RGS7: variants seen among roughly 807,000 people sequenced by gnomAD.
The protein encoded by RGS7 is regulator of G-protein signaling 7.
A neutral mutation model predicts 81.1 loss-of-function variants in RGS7; 27 were observed. That is an observed-to-expected ratio of 0.33 (90% CI 0.25 to 0.46). RGS7 has a LOEUF of 0.46. RGS7 is among the 20% of genes least tolerant of loss of function. The pLI, the probability that RGS7 is intolerant of heterozygous loss-of-function variation, is 1.00. For synonymous variants in RGS7, 208 were observed against 207.7 expected (o/e 1.00, Z -0.01); for missense variants, 396 against 607.4 (o/e 0.65, Z 3.66).
At chr1:241,117,768 T>C (rs1572762193) in intron 2 of RGS7, among the ~76,000 whole-genome samples, 1 of 152,284 alleles carries the variant, frequency 6.6e-6, no homozygotes, top group African/African-American at 2.4e-5. Flanking sequence ...ATATTTCTTA[T>C]CGGATTAATC....
At chr1:240,918,925 T>C (rs1239874327) in intron 6 of RGS7, among the ~76,000 whole-genome samples, 1 of 151,750 alleles carries the variant, frequency 6.6e-6, no homozygotes, top group Non-Finnish European at 1.5e-5. Flanking sequence ...ATCCTAAAAA[T>C]AGTAAAAGAA....
intron 2 of RGS7, among the ~76,000 whole-genome samples, chr1:241,260,072 T>C (rs1333748819): frequency 6.6e-6 from 1 of 152,176 alleles, no homozygotes; most frequent in African/African-American, 2.4e-5. Flanking sequence ...ATGGAATTTG[T>C]CCTATACCCA....
intron 2 of RGS7, among the ~76,000 whole-genome samples, chr1:241,239,358 G>C (rs374955695): frequency 9.9e-5 from 15 of 152,144 alleles, no homozygotes; most frequent in African/African-American, 3.6e-4. Context: ...GCATCTGCTG[G>C]TCAGTGTCCT....
intron 2 of RGS7, among the ~76,000 whole-genome samples, chr1:241,193,353 T>G (rs1179051967): frequency 1.3e-5 from 2 of 152,234 alleles, no homozygotes; most frequent in Non-Finnish European, 2.9e-5. Flanking sequence ...TCAGACTGTC[T>G]TTGCCACTCT....
intron 9 of RGS7, among the ~76,000 whole-genome samples, chr1:240,858,105 A>G (rs751343172): frequency 3.3e-5 from 5 of 152,216 alleles, no homozygotes; most frequent in Admixed American, 6.5e-5. Context: ...AGAATGAACT[A>G]ATACACCTTC....
chr1:240,795,355 G>C (rs1686867378), intron 18 of RGS7, among the ~76,000 whole-genome samples: 1 of 152,170 alleles, frequency 6.6e-6, no homozygotes, highest in Non-Finnish European at 1.5e-5. Flanking sequence ...AAGACTAATT[G>C]GTGGTGGAGG....
intron 2 of RGS7, among the ~76,000 whole-genome samples, chr1:241,278,530 G>T (rs935895790): frequency 2.6e-5 from 4 of 152,284 alleles, no homozygotes; most frequent in African/African-American, 9.6e-5. Context: ...TTGCGGTGCA[G>T]AGTTGGGTGA....
At chr1:241,123,309 C>T (rs548883659) in intron 2 of RGS7, among the ~76,000 whole-genome samples, 1 of 152,314 alleles carries the variant, frequency 6.6e-6, no homozygotes, top group East Asian at 1.9e-4. Context: ...CTGCTCCTTT[C>T]TGTCCATAAA....
At chr1:241,251,617 C>A (rs1452346089) in intron 2 of RGS7, among the ~76,000 whole-genome samples, 1 of 151,838 alleles carries the variant, frequency 6.6e-6, no homozygotes, top group African/African-American at 2.4e-5. Context: ...TCAAGCAATT[C>A]TCCTGCCTCA....
chr1:241,105,764 A>G (rs2065055629), intron 2 of RGS7, among the ~76,000 whole-genome samples: 1 of 152,232 alleles, frequency 6.6e-6, no homozygotes, highest in Non-Finnish European at 1.5e-5. Context: ...AGTAAAGCTA[A>G]AACGTTTTGT....
chr1:240,821,234 C>A (rs891313176), intron 10 of RGS7, among the ~76,000 whole-genome samples: 2 of 152,192 alleles, frequency 1.3e-5, no homozygotes, highest in African/African-American at 4.8e-5. Flanking sequence ...AAGTGGATCA[C>A]CTGAGGTCAG....
At chr1:241,230,463 C>T (rs2075591419) in intron 2 of RGS7, among the ~76,000 whole-genome samples, 1 of 152,176 alleles carries the variant, frequency 6.6e-6, no homozygotes, top group African/African-American at 2.4e-5. Flanking sequence ...ATCTGCCCAC[C>T]TTAGCCTCCC....
intron 6 of RGS7, among the ~76,000 whole-genome samples, chr1:240,899,896 C>T (rs1285868083): frequency 6.6e-6 from 1 of 152,114 alleles, no homozygotes; most frequent in Non-Finnish European, 1.5e-5. Context: ...AACTTGGTTC[C>T]ATTCTCCCTG....
chr1:240,893,443 G>A (rs1383543667), intron 6 of RGS7, among the ~76,000 whole-genome samples: 1 of 151,956 alleles, frequency 6.6e-6, no homozygotes, highest in Non-Finnish European at 1.5e-5. Flanking sequence ...GATTCATTTA[G>A]CTTATGTTAA....
In RGS7 at chr1:240,801,212, A is replaced by G. The variant is rs188620937; in HGVS notation, c.1413+243T>C. Among the ~76,000 whole-genome samples, 1,186 of 152,316 alleles carry G rather than the reference A, an allele frequency of 7.8e-3. 14 individuals are homozygous for G. Among genetic ancestry groups the G allele is most frequent in the African/African-American group, 0.026 (1,064 of 41,582 alleles). On this transcript the variant is annotated intron_variant, in intron 17 of 18. Transcript: ENST00000440928. ...ATTCCTTCCTTTTATATGTTGTAAT[A>G]TAAACTTCTTTCCAAACTTTAATTC...
At chr1:240,829,464 G>A (rs925500977) in intron 9 of RGS7, among the ~76,000 whole-genome samples, 11 of 152,056 alleles carry the variant, frequency 7.2e-5, no homozygotes, top group Non-Finnish European at 1.5e-4. Flanking sequence ...ATCTGCAGCC[G>A]GAGTTCACAA....
chr1:241,165,387 T>C (rs1483642007), intron 2 of RGS7, among the ~76,000 whole-genome samples: 1 of 151,786 alleles, frequency 6.6e-6, no homozygotes. Flanking sequence ...AACCCAAATG[T>C]CCAACAATGA....
rs1679964914 is a variant in RGS7, at chr1:240,954,017, TA to T, written c.227-17312del. Among the ~76,000 whole-genome samples, 4 of 152,154 alleles carry T rather than the reference TA, an allele frequency of 2.6e-5. No homozygotes were observed. In the South Asian group the frequency reaches 8.3e-4, roughly 32 times the overall value. On this transcript the variant is annotated intron_variant, in intron 4 of 18. Transcript: ENST00000440928. The stretch of plus-strand genomic sequence containing the variant: ...TAACTTAGATAAAAAATGAACAAAT[TA>T]CTTCAAAGACACAAACCATCAAAAC...
At chr1:240,873,919 G>A (rs1229928003) in intron 6 of RGS7, among the ~76,000 whole-genome samples, 1 of 149,966 alleles carries the variant, frequency 6.7e-6, no homozygotes, top group South Asian at 2.1e-4. Flanking sequence ...TTCTTCTCTT[G>A]TTCCTGAATT....
Sources: gnomAD v4.1 joint callset for allele counts (sites outside exome capture counted in the v4.1 genomes callset) on GRCh38, gnomAD v4.1.1 for gene constraint, MANE v1.5 for transcripts, NCBI Gene and HGNC (gene_info 2026-07-23, HGNC 2026-07-21) for gene names.